SH3GL2: variants seen among roughly 807,000 people sequenced by gnomAD.
SH3GL2 encodes the protein SH3 domain containing GRB2 like 2, endophilin A1.
Under a neutral mutation model 46.0 loss-of-function variants are expected in SH3GL2, and 24 were observed. The observed-to-expected ratio is 0.52, with a 90% CI of 0.38 to 0.73. The LOEUF (loss-of-function observed/expected upper bound fraction) is 0.73, where lower values mean the gene tolerates loss of function less well. Ranked by LOEUF, SH3GL2 falls within the 30% of genes least tolerant of loss-of-function variation. The probability of loss-of-function intolerance (pLI) is 0.00; values close to 1 mark genes in which losing one functional copy is unlikely to be tolerated. For synonymous variants in SH3GL2, 196 were observed against 147.1 expected, an observed-to-expected ratio of 1.33 and a Z score of -2.40; for missense variants, 413 against 424.2, an observed-to-expected ratio of 0.97 and a Z score of 0.23.
At chr9:17,666,578 G>GTGTGTGTGTGTA (rs144961549) in intron 1 of SH3GL2, among the ~76,000 whole-genome samples, 21 of 148,120 alleles carry the variant, frequency 1.4e-4, no homozygotes, top group Non-Finnish European at 1.5e-5. Flanking sequence ...GTGTGTGTGT[G>GTGTGTGTGTGTA]TATATACATT....
At chr9:17,752,365 G>A (rs913763976) in intron 2 of SH3GL2, among the ~76,000 whole-genome samples, 8 of 152,134 alleles carry the variant, frequency 5.3e-5, no homozygotes, top group African/African-American at 1.9e-4. Context: ...TAACTTCAGT[G>A]ACAGAAAAGT....
intron 3 of SH3GL2, among the ~76,000 whole-genome samples, chr9:17,773,743 C>G (rs577902685): frequency 6.6e-6 from 1 of 152,110 alleles, no homozygotes; most frequent in Admixed American, 6.6e-5. Context: ...TGTGAGTCTT[C>G]TAGCTTTGTT....
intron 2 of SH3GL2, among the ~76,000 whole-genome samples, chr9:17,752,908 C>T (rs1822887390): frequency 6.6e-6 from 1 of 152,046 alleles, no homozygotes. Flanking sequence ...CCCCTCTGTG[C>T]GTTCTTGTGT....
rs1228251637 is a variant in SH3GL2 at position 17,614,301 on chromosome 9, A to G, written c.45+35014A>G. 2.7e-5 allele frequency among the ~76,000 whole-genome samples: 4 copies of G among 148,328 alleles called. No individual in the cohort carries two copies. In the East Asian group the frequency reaches 7.8e-4, roughly 29 times the overall value. On this transcript the variant is annotated intron_variant, in intron 1 of 8. Coordinates refer to ENST00000380607, the MANE Select transcript of SH3GL2 (RefSeq NM_003026.5). ...GGGAACATGCATGGTTTCTGAAAAA[A>G]AAAAAAAAAAAAAAAAAAAAAATCC...
chr9:17,737,224 G>A (rs1822364308), intron 1 of SH3GL2, among the ~76,000 whole-genome samples: 2 of 151,950 alleles, frequency 1.3e-5, no homozygotes, highest in South Asian at 4.1e-4. Flanking sequence ...CTAGGGGAGG[G>A]ATAGCATTAG....
intron 2 of SH3GL2, among the ~76,000 whole-genome samples, chr9:17,759,941 T>G (rs1486721037): frequency 1.3e-5 from 2 of 152,210 alleles, no homozygotes; most frequent in African/African-American, 4.8e-5. Flanking sequence ...TTCAGCATAT[T>G]TGTTCCATAC....
intron 1 of SH3GL2, among the ~76,000 whole-genome samples, chr9:17,587,020 GGC>G (rs1818390306): frequency 1.3e-5 from 2 of 152,110 alleles, no homozygotes; most frequent in Non-Finnish European, 2.9e-5. Context: ...TGGCCAACAT[GGC>G]AAAACCTCGT....
intron 1 of SH3GL2, among the ~76,000 whole-genome samples, chr9:17,664,100 C>T (rs1820287343): frequency 6.6e-6 from 1 of 152,074 alleles, no homozygotes; most frequent in African/African-American, 2.4e-5. Context: ...TCACTGTATC[C>T]ACCCTCCTAG....
intron 1 of SH3GL2, among the ~76,000 whole-genome samples, chr9:17,681,054 G>T (rs1177697087): frequency 2.0e-5 from 3 of 152,038 alleles, no homozygotes; most frequent in Admixed American, 2.0e-4. Context: ...TTCCAACTAT[G>T]TGGTCAATTT....
intron 2 of SH3GL2, among the ~76,000 whole-genome samples, chr9:17,754,943 T>G (rs2131142015): frequency 1.3e-5 from 2 of 152,306 alleles, no homozygotes; most frequent in African/African-American, 4.8e-5. Context: ...ATGGATAGCT[T>G]GACTTCCTCT....
In SH3GL2 at chr9:17,736,697, A is replaced by G. The variant is rs184482912; in HGVS notation, c.46-10369A>G. Among the ~76,000 whole-genome samples, 429 of 152,250 alleles carry G rather than the reference A, an allele frequency of 2.8e-3. 4 individuals carry two copies. Among genetic ancestry groups the G allele is most frequent in the African/African-American group, 8.0e-3 (331 of 41,570 alleles). ...GTCTCTCAAATACATTCAGATATCC[A>G]TCGGCTTGCAGTTTGTCCCTGATGT... is the stretch of plus-strand genomic sequence containing the variant. On this transcript the variant is annotated intron_variant, in intron 1 of 8. Coordinates refer to ENST00000380607, the MANE Select transcript of SH3GL2 (RefSeq NM_003026.5).
In SH3GL2 at chr9:17,736,657, A is replaced by T. The variant is rs568284139; in HGVS notation, c.46-10409A>T. On this transcript the variant is annotated intron_variant, in intron 1 of 8. Coordinates refer to ENST00000380607, the MANE Select transcript of SH3GL2 (RefSeq NM_003026.5). ...GGAGAACTGACTATACTGAGGTGTGAAATACATGTAGGAAGTCTCTCAAAT... is the reference window on the plus strand; with the variant it reads ...GGAGAACTGACTATACTGAGGTGTGTAATACATGTAGGAAGTCTCTCAAAT... 1.1e-4 allele frequency among the ~76,000 whole-genome samples: 16 copies of T among 152,278 alleles called. 1 individual carries two copies. The South Asian group carries it at 3.3e-3, about 32-fold the overall frequency.
At chr9:17,657,339 A>C (rs528544990) in intron 1 of SH3GL2, among the ~76,000 whole-genome samples, 1 of 152,256 alleles carries the variant, frequency 6.6e-6, no homozygotes, top group South Asian at 2.1e-4. Flanking sequence ...TAAAATCTGG[A>C]GCATGATAGG....
chr9:17,735,788 G>C lies in SH3GL2; in HGVS notation c.46-11278G>C, dbSNP rs1408579033. On this transcript the variant is annotated intron_variant, in intron 1 of 8. Coordinates refer to ENST00000380607, the MANE Select transcript of SH3GL2 (RefSeq NM_003026.5). ...CTTTCCACACATGGAAAGCATAATA[G>C]GAAAGAAGGGCTTAAGTTAGCAGGT... The C allele has an allele frequency of 5.2e-6, 5 of 964,058 alleles. No individual in the cohort carries two copies. The African/African-American group carries it at 8.8e-5, about 17-fold the overall frequency. 59.7% of individuals were successfully genotyped at this position (964,058 alleles called of 1,614,324 possible).
intron 1 of SH3GL2, among the ~76,000 whole-genome samples, chr9:17,646,175 G>A (rs200031790): frequency 6.6e-6 from 1 of 151,530 alleles, no homozygotes; most frequent in African/African-American, 2.4e-5. Context: ...GGCTATTGAT[G>A]CTTGTGTATG....
intron 1 of SH3GL2, among the ~76,000 whole-genome samples, chr9:17,594,920 C>G (rs191727251): frequency 1.3e-5 from 2 of 152,114 alleles, no homozygotes; most frequent in East Asian, 3.8e-4. Flanking sequence ...TTCATTTCTG[C>G]TTAAAATACA....
At chr9:17,618,996 T>C (rs1211168555) in intron 1 of SH3GL2, among the ~76,000 whole-genome samples, 1 of 152,242 alleles carries the variant, frequency 6.6e-6, no homozygotes, top group Non-Finnish European at 1.5e-5. Flanking sequence ...AAGATCATTT[T>C]GAAAAGTTTA....
intron 1 of SH3GL2, among the ~76,000 whole-genome samples, chr9:17,692,607 C>T (rs1209510533): frequency 3.3e-5 from 5 of 150,018 alleles, no homozygotes; most frequent in African/African-American, 7.4e-5. Context: ...ATTGTGCCAC[C>T]GACCTCTAGC....
At chr9:17,785,573 C>G (rs1823932428) in intron 3 of SH3GL2, among the ~76,000 whole-genome samples, 1 of 152,084 alleles carries the variant, frequency 6.6e-6, no homozygotes, top group Non-Finnish European at 1.5e-5. Context: ...ATGTGTAATC[C>G]CAACTCTAAT....
Sources: allele counts gnomAD v4.1 joint callset (sites outside exome capture counted in the v4.1 genomes callset), GRCh38; gene constraint gnomAD v4.1.1; transcripts MANE v1.5; gene names NCBI Gene and HGNC (gene_info 2026-07-23, HGNC 2026-07-21).